The following CENPM variants were observed in gnomAD, a reference collection of about 807,000 sequenced individuals.
The protein encoded by CENPM is centromere protein M.
A neutral mutation model predicts 19.6 loss-of-function variants in CENPM; 14 were observed. The observed-to-expected ratio is 0.71, with a 90% confidence interval of 0.47 to 1.11. The LOEUF (loss-of-function observed/expected upper bound fraction) is 1.11. Ranked by LOEUF, CENPM falls within the 50% of genes most tolerant of loss-of-function variation. The probability of loss-of-function intolerance (pLI) is 0.00; values close to 1 mark genes in which losing one functional copy is unlikely to be tolerated. For missense variants in CENPM, 239 were observed against 228.4 expected, an observed-to-expected ratio of 1.05 and a Z score of -0.30; for synonymous variants, 114 against 101.5, an observed-to-expected ratio of 1.12 and a Z score of -0.74.
In CENPM at chr22:41,945,208, G is replaced by A; in HGVS notation, c.310+17C>T. ...CTTGGCTGGGGGTGGGCAGTAACAG[G>A]CGAGGAACGTACTTACCACCTGTGG... On this transcript the variant is annotated intron_variant, in intron 4 of 5. Transcript: ENST00000215980. The A allele has an allele frequency of 1.2e-6, 2 of 1,613,940 alleles. No individual in the cohort carries two copies. Among genetic ancestry groups the A allele is most frequent in the Non-Finnish European group, 1.7e-6 (2 of 1,179,972 alleles).
the CENPM span, chr22:41,928,244 G>A: frequency 2.8e-5 from 9 of 324,272 alleles, no homozygotes; most frequent in Admixed American, 3.2e-4. This position sits in a 1 kb window ranked among gnomAD's most constrained non-coding sequence, Gnocchi z 4.0. Context: ...CCAGGGCTAT[G>A]TGTCCTCTCC....
At chr22:41,944,687 G>T in intron 4 of CENPM, 1 of 985,430 alleles carries the variant, frequency 1.0e-6, no homozygotes, top group Non-Finnish European at 1.2e-6. Context: ...AGGAACAGCA[G>T]GACTTTTTCA....
downstream of CENPM, among the ~76,000 whole-genome samples, chr22:41,934,337 G>A (rs999540620): frequency 2.6e-5 from 4 of 152,222 alleles, no homozygotes; most frequent in African/African-American, 9.6e-5. Flanking sequence ...CAGGTGGAAT[G>A]AGGGGGACAA....
chr22:41,941,167 A>G (rs992553237), intron 5 of CENPM, among the ~76,000 whole-genome samples: 1 of 152,212 alleles, frequency 6.6e-6, no homozygotes, highest in Non-Finnish European at 1.5e-5. Flanking sequence ...GGCCAATCAC[A>G]TACCTTCCTG....
chr22:41,943,491 G>A (rs1210853912), intron 5 of CENPM, 119 bp downstream of exon 5: 10 of 797,094 alleles, frequency 1.3e-5, no homozygotes, highest in African/African-American at 5.2e-5. Context: ...TCCCCTTCAG[G>A]AGCTGCCTCG....
At chr22:41,931,721 G>A in the CENPM span, among the ~76,000 whole-genome samples, 103 of 151,964 alleles carry the variant, frequency 6.8e-4, no homozygotes, top group African/African-American at 2.4e-3. Flanking sequence ...ACTGTGAAGC[G>A]TGGCCTGGGC....
chr22:41,947,139 C>T lies in CENPM; in HGVS notation c.-63G>A. ...GCCGATCTTTCAAACCGCCCTGAGT[C>T]CAGCCCCTAGAGCGCGGCCTGGGGG... On this transcript the variant is annotated 5_prime_UTR_variant, in exon 1 of 6. Transcript: ENST00000215980. 1 of 1,551,132 alleles carries T rather than the reference C, an allele frequency of 6.4e-7. No individual in the cohort carries two copies. Among genetic ancestry groups the T allele is most frequent in the South Asian group, 1.1e-5 (1 of 88,588 alleles).
chr22:41,930,032 C>T, the CENPM span, among the ~76,000 whole-genome samples: 2 of 150,274 alleles, frequency 1.3e-5, no homozygotes, highest in Non-Finnish European at 3.0e-5. Context: ...CAAGCTCCGC[C>T]TCCCAGGTTC....
At chr22:41,944,948 T>A (rs752909282) in intron 4 of CENPM, 30 of 1,278,176 alleles carry the variant, frequency 2.3e-5, no homozygotes, top group Non-Finnish European at 2.9e-5. Flanking sequence ...AACTTTTATT[T>A]TAAGTTCAGG....
the CENPM span, among the ~76,000 whole-genome samples, chr22:41,930,779 C>T: frequency 1.3e-5 from 2 of 151,312 alleles, no homozygotes; most frequent in Admixed American, 1.3e-4. Context: ...TTTGGCCTCC[C>T]AAAGTGCTGG....
chr22:41,947,039 A>C lies in CENPM; in HGVS notation c.38T>G (p.Leu13Arg). The C allele has an allele frequency of 1.2e-6, 2 of 1,612,924 alleles. No homozygotes were observed. Among genetic ancestry groups the C allele is most frequent in the Non-Finnish European group, 8.5e-7 (1 of 1,179,962 alleles). Reference sequence around the variant, plus strand: ...ACCTACCAAGATGGTGGCCGTGTTCAGGCCGGGCAGCTTGTCCAGGGGCCT... The same window carrying C: ...ACCTACCAAGATGGTGGCCGTGTTCCGGCCGGGCAGCTTGTCCAGGGGCCT... ...VLRPLDKLPG[L>R]NTATILLVGT... Residue 13 changes from leucine (L) to arginine (R), a missense_variant, in exon 1 of 6, where the codon CTG (leucine) becomes CGG (arginine). Transcript: ENST00000215980.
At chr22:41,944,655 ACT>A in intron 4 of CENPM, 1 of 984,600 alleles carries the variant, frequency 1.0e-6, no homozygotes, top group Non-Finnish European at 1.2e-6. Flanking sequence ...TATTATTTTC[ACT>A]GTTAATATTA....
chr22:41,941,409 G>C (rs995874600), intron 5 of CENPM, among the ~76,000 whole-genome samples: 4 of 152,196 alleles, frequency 2.6e-5, no homozygotes, highest in African/African-American at 7.2e-5. Flanking sequence ...GGGACCTCCT[G>C]CTTCCTGCCC....
chr22:41,935,405 G>C (rs10154646), downstream of CENPM, among the ~76,000 whole-genome samples: 40,336 of 151,734 alleles, frequency 0.27, 6,148 homozygotes, highest in African/African-American at 0.38. Flanking sequence ...CATCAGCCCC[G>C]CCAAAGACCT....
At position 41,939,319 on chromosome 22, in the gene CENPM, A is replaced by G. The variant is rs927605093; in HGVS notation, c.403-123T>C. 7 of 1,148,826 alleles carry G rather than the reference A, an allele frequency of 6.1e-6. No homozygotes were observed. The African/African-American group carries it at 1.1e-4, about 18-fold the overall frequency. The allele number at this position is 1,148,826 out of a possible 1,614,324, so 71.2% of individuals were successfully genotyped here. ...ATACTTGGGGGTAGCTCAGGTCACC[A>G]CTGCCCACCACAGCCACGCCCTCAT... On this transcript the variant is annotated intron_variant, in intron 5 of 5. Coordinates refer to ENST00000215980, the MANE Select transcript of CENPM (RefSeq NM_024053.5).
the CENPM span, among the ~76,000 whole-genome samples, chr22:41,933,202 C>T: frequency 6.6e-6 from 1 of 152,194 alleles, no homozygotes; most frequent in South Asian, 2.1e-4. Flanking sequence ...CGGCCGTCTC[C>T]TCCCTCAGCC....
At chr22:41,945,103 G>T (rs1198038105) in intron 4 of CENPM, 122 bp downstream of exon 4, 2 of 1,556,426 alleles carry the variant, frequency 1.3e-6, no homozygotes, top group Non-Finnish European at 8.7e-7. Context: ...CCTCCGATAG[G>T]CCCCAGTGTG....
intron 4 of CENPM, chr22:41,944,046 C>T (rs193018010): frequency 2.1e-6 from 2 of 943,400 alleles, no homozygotes; most frequent in East Asian, 1.2e-4. Flanking sequence ...ACAGGTCAGA[C>T]ACCTCATGCA....
At chr22:41,940,012 C>T in intron 5 of CENPM, 1 of 631,752 alleles carries the variant, frequency 1.6e-6, no homozygotes, top group South Asian at 1.8e-5. Context: ...CCACATCCCT[C>T]CCTGGCCCCA....
Sources: allele counts gnomAD v4.1 joint callset (sites outside exome capture counted in the v4.1 genomes callset), GRCh38; gene constraint gnomAD v4.1.1; non-coding constraint Gnocchi (gnomAD v3.1); transcripts MANE v1.5; gene names NCBI Gene and HGNC (gene_info 2026-07-23, HGNC 2026-07-21).